ZNF292: variants seen among roughly 807,000 people sequenced by gnomAD.
ZNF292 encodes the protein zinc finger protein 292.
In ZNF292, 26 loss-of-function variants were observed where a neutral mutation model predicts 217.9. That is an observed-to-expected ratio of 0.12 (90% CI 0.09 to 0.17). ZNF292 has a LOEUF of 0.17. Among genes scored for constraint, ZNF292 ranks in the 10% least tolerant of loss-of-function variants. The pLI, the probability that ZNF292 is intolerant of heterozygous loss-of-function variation, is 1.00. For missense variants in ZNF292, 2,904 were observed against 3,175.2 expected (o/e 0.91, Z 2.05); for synonymous variants, 1,257 against 1,124.1 (o/e 1.12, Z -2.37).
At position 87,259,638 on chromosome 6, in the gene ZNF292, A is replaced by G. The variant is rs760774294; in HGVS notation, c.6009A>G (p.Thr2003=). 10 of 1,585,646 alleles carry G rather than the reference A, an allele frequency of 6.3e-6. No individual in the cohort carries two copies. The highest frequency in any genetic ancestry group is 7.7e-6 in the Non-Finnish European group (9 of 1,165,292). The part of the protein sequence containing the change: ...QSENVPASRS[T]QVKKQLAMTE... ...AAAATGTGCCGGCCTCACGAAGTAC[A>G]CAAGTGAAAAAACAGCTAGCTATGA... The change falls in exon 8 of 8, where the codon ACA becomes ACG. Residue 2003 remains threonine (T), a synonymous_variant. Coordinates refer to ENST00000369577, the MANE Select transcript of ZNF292 (RefSeq NM_015021.3).
At position 87,159,495 on chromosome 6, in the gene ZNF292, CTT is replaced by C. The variant is rs772140637; in HGVS notation, c.168+3756_168+3757del. On this transcript the variant is annotated intron_variant, in intron 1 of 7. Coordinates refer to ENST00000369577, the MANE Select transcript of ZNF292 (RefSeq NM_015021.3). Reference sequence around the variant, plus strand: ...CTCCTGTCTCAGCTTTCTTTTCTTTCTTTTTTTTTTTTTTTTTTTTTAAAAAA... The same window carrying C: ...CTCCTGTCTCAGCTTTCTTTTCTTTCTTTTTTTTTTTTTTTTTTTAAAAAA... Among the ~76,000 whole-genome samples, 520 of 124,480 alleles carry C rather than the reference CTT, an allele frequency of 4.2e-3. 2 individuals carry two copies. Among genetic ancestry groups the C allele is most frequent in the African/African-American group, 0.015 (488 of 31,728 alleles). The allele number at this position is 124,480 out of a possible 152,430, so 81.7% of individuals were successfully genotyped here.
rs1009101476 is a variant in ZNF292 at position 87,265,112 on chromosome 6, T to C, written c.*3311T>C. Among the ~76,000 whole-genome samples, 1 of 152,160 alleles carries C rather than the reference T, an allele frequency of 6.6e-6. No homozygotes were observed. The highest frequency in any genetic ancestry group is 2.4e-5 in the African/African-American group (1 of 41,432). On this transcript the variant is annotated 3_prime_UTR_variant, in exon 8 of 8. Coordinates refer to ENST00000369577, the MANE Select transcript of ZNF292 (RefSeq NM_015021.3). ...AGTTCTCTCTCTCTCTCTCTCTTTT[T>C]TTTTCTTTGTTTTTTTTGGAGACAG...
chr6:87,203,266 A>G (rs1772146067), intron 1 of ZNF292, among the ~76,000 whole-genome samples: 1 of 150,928 alleles, frequency 6.6e-6, no homozygotes, highest in Non-Finnish European at 1.5e-5. Context: ...TCAGCACCCC[A>G]GAGTAGCTGG....
At chr6:87,181,968 G>A (rs185794376) in intron 1 of ZNF292, among the ~76,000 whole-genome samples, 2 of 152,228 alleles carry the variant, frequency 1.3e-5, no homozygotes, top group Admixed American at 1.3e-4. Flanking sequence ...ACAGGCGCCC[G>A]GCGGTTCTCA....
intron 2 of ZNF292, 100 bp downstream of exon 2, chr6:87,216,157 A>AAC (rs1491156174): frequency 1.6e-6 from 2 of 1,250,854 alleles, no homozygotes; most frequent in Non-Finnish European, 2.2e-6. Context: ...ACACACACAC[A>AAC]ACATTAAATC....
intron 1 of ZNF292, among the ~76,000 whole-genome samples, chr6:87,164,128 T>C (rs1770838828): frequency 6.6e-6 from 1 of 152,186 alleles, no homozygotes; most frequent in Non-Finnish European, 1.5e-5. Context: ...TTTTTATTAC[T>C]GTTCACAAGT....
intron 4 of ZNF292, among the ~76,000 whole-genome samples, chr6:87,226,043 T>C (rs1773327765): frequency 6.6e-6 from 1 of 152,176 alleles, no homozygotes; most frequent in Non-Finnish European, 1.5e-5. Context: ...TTCTTCTGTA[T>C]GTATTATTTT....
intron 4 of ZNF292, among the ~76,000 whole-genome samples, chr6:87,230,356 GTAAT>G (rs1482636033): frequency 5.3e-5 from 8 of 152,248 alleles, no homozygotes; most frequent in Admixed American, 2.0e-4. Context: ...TAATTCTTGT[GTAAT>G]TATTTATCAC....
chr6:87,249,420 A>G (rs778263613), intron 7 of ZNF292: 15 of 324,794 alleles, frequency 4.6e-5, no homozygotes, highest in South Asian at 3.7e-4. Flanking sequence ...GAGCCACCAC[A>G]CATGACCTTC....
intron 1 of ZNF292, among the ~76,000 whole-genome samples, chr6:87,190,015 A>AT (rs1351228396): frequency 8.5e-5 from 13 of 152,118 alleles, no homozygotes; most frequent in African/African-American, 2.7e-4. Context: ...ACACCACTTT[A>AT]TTTTGTTGCT....
At chr6:87,171,123 G>A (rs1439747663) in intron 1 of ZNF292, among the ~76,000 whole-genome samples, 1 of 152,088 alleles carries the variant, frequency 6.6e-6, no homozygotes, top group African/African-American at 2.4e-5. Flanking sequence ...AAAGAAAGTA[G>A]GATTAGACTT....
chr6:87,241,447 A>C (rs1774282929), intron 5 of ZNF292, among the ~76,000 whole-genome samples: 1 of 129,370 alleles, frequency 7.7e-6, no homozygotes. Context: ...TTTGAGACCG[A>C]GTGCTGCTGT....
At chr6:87,183,793 G>C (rs1179743338) in intron 1 of ZNF292, among the ~76,000 whole-genome samples, 2 of 152,196 alleles carry the variant, frequency 1.3e-5, no homozygotes, top group Non-Finnish European at 2.9e-5. Context: ...AAAGTGAAAT[G>C]TGTAAATACA....
In ZNF292 at chr6:87,245,603, G is replaced by A; in HGVS notation, c.979G>A (p.Val327Ile). ...CRQLSLLTKTVYHIFFLIKVI... is the reference protein window; with the variant it reads ...CRQLSLLTKTIYHIFFLIKVI... ...TCAACTTTCTTTGTTAACGAAAACA[G>A]TATATCACATTTTCTTCCTGATTAA... Residue 327 changes from valine to isoleucine, a missense_variant, in exon 7 of 8, where the codon GTA becomes ATA. Coordinates refer to ENST00000369577, the MANE Select transcript of ZNF292 (RefSeq NM_015021.3). 6.5e-7 allele frequency: 1 copy of A among 1,538,216 alleles called. No individual in the cohort carries two copies.
At position 87,259,743 on chromosome 6, in the gene ZNF292, G is replaced by A. The variant is rs374848481; in HGVS notation, c.6114G>A (p.Val2038=). ...AAAATACCCACAGTAATGTAGCAGT[G>A]ATCCCAGAAAAACAACTTGTAGAAA... ...ETQNTHSNVA[V]IPEKQLVEKK... Residue 2038 remains valine (V), a synonymous_variant, in exon 8 of 8, where the codon GTG becomes GTA. Coordinates refer to ENST00000369577, the MANE Select transcript of ZNF292 (RefSeq NM_015021.3). The A allele has an allele frequency of 1.9e-5, 30 of 1,603,254 alleles. No individual in the cohort carries two copies. Among genetic ancestry groups the A allele is most frequent in the Non-Finnish European group, 2.6e-5 (30 of 1,174,814 alleles).
intron 1 of ZNF292, among the ~76,000 whole-genome samples, chr6:87,211,580 ATAT>A (rs1772487566): frequency 6.6e-6 from 1 of 152,270 alleles, no homozygotes; most frequent in African/African-American, 2.4e-5. Context: ...TAATATAAGC[ATAT>A]TACTATAATT....
Position 87,261,564 on chromosome 6 carries a change from T to G in ZNF292, c.7935T>G (p.Cys2645Trp). Reference sequence around the variant, plus strand: ...CTAGTGGAAATCATGTATGTCCTTGTAAAGAAAGCGAAACGTTTGTACAGT... The same window carrying G: ...CTAGTGGAAATCATGTATGTCCTTGGAAAGAAAGCGAAACGTTTGTACAGT... ...AVTSGNHVCP[C>W]KESETFVQFA... Residue 2645 changes from cysteine to tryptophan, a missense_variant, in exon 8 of 8, where the codon TGT becomes TGG. Physicochemically the swap from Cys to Trp is radical, Grantham distance 215. Coordinates refer to ENST00000369577, the MANE Select transcript of ZNF292 (RefSeq NM_015021.3). 6.2e-7 allele frequency: 1 copy of G among 1,610,436 alleles called. No homozygotes were observed. Among genetic ancestry groups the G allele is most frequent in the East Asian group, 2.2e-5 (1 of 44,776 alleles).
At position 87,255,549 on chromosome 6, in the gene ZNF292, C is replaced by T. The variant is rs1187337640; in HGVS notation, c.1920C>T (p.Leu640=). 1.2e-6 allele frequency: 2 copies of T among 1,611,164 alleles called. No homozygotes were observed. The highest frequency in any genetic ancestry group is 2.2e-5 in the East Asian group (1 of 44,844). The stretch of plus-strand genomic sequence containing the variant: ...AGCGACCTATAAAAAAGAATAGTCT[C>T]TATTCAACAGATTTTATAGTGTTTA... ...QEQRPIKKNS[L]YSTDFIVFND... The change falls in exon 8 of 8, where the codon CTC becomes CTT. Residue 640 remains leucine, a synonymous_variant. Transcript: ENST00000369577.
rs182942319 is a variant in ZNF292 at position 87,260,241 on chromosome 6, T to C, written c.6612T>C (p.Ile2204=). The change falls in exon 8 of 8, where the codon ATT becomes ATC. Residue 2204 remains isoleucine (I), a synonymous_variant. Coordinates refer to ENST00000369577, the MANE Select transcript of ZNF292 (RefSeq NM_015021.3). ...TTCATGAAATGACTCCTGAAGAAATTGAAAGTATGACTGCTTCAGTGGATG... is the reference window on the plus strand; with the variant it reads ...TTCATGAAATGACTCCTGAAGAAATCGAAAGTATGACTGCTTCAGTGGATG... The part of the protein sequence containing the change: ...MKLHEMTPEE[I]ESMTASVDVG... 12 of 1,613,602 alleles carry C rather than the reference T, an allele frequency of 7.4e-6. No homozygotes were observed. The East Asian group carries it at 2.7e-4, about 36-fold the overall frequency.
Sources: gnomAD v4.1 joint callset for allele counts (sites outside exome capture counted in the v4.1 genomes callset) on GRCh38, gnomAD v4.1.1 for gene constraint, MANE v1.5 for transcripts, NCBI Gene and HGNC (gene_info 2026-07-23, HGNC 2026-07-21) for gene names.